The following MAD1L1 variants were observed in gnomAD, a reference collection of about 807,000 sequenced individuals.
The protein encoded by MAD1L1 is mitotic arrest deficient 1 like 1.
Under a neutral mutation model 96.9 loss-of-function variants are expected in MAD1L1, and 95 were observed. The observed-to-expected ratio is 0.98, with a 90% CI of 0.83 to 1.16. MAD1L1 has a LOEUF of 1.16. MAD1L1 is among the 50% of genes most tolerant of loss of function. The probability of loss-of-function intolerance (pLI) is 0.00; values close to 1 mark genes in which losing one functional copy is unlikely to be tolerated. For missense variants in MAD1L1, 1,007 were observed against 954.4 expected (o/e 1.06, Z -0.73); for synonymous variants, 473 against 396.6 (o/e 1.19, Z -2.29).
At chr7:1,982,685 ACCTTG>A (rs1780961042) in intron 14 of MAD1L1, among the ~76,000 whole-genome samples, 1 of 152,166 alleles carries the variant, frequency 6.6e-6, no homozygotes, top group Non-Finnish European at 1.5e-5. Context: ...CAATATTGAT[ACCTTG>A]GGTTTCTTTC....
intron 10 of MAD1L1, among the ~76,000 whole-genome samples, chr7:2,169,299 A>T (rs1394669158): frequency 6.6e-6 from 1 of 152,224 alleles, no homozygotes; most frequent in East Asian, 1.9e-4. Flanking sequence ...TGGTGGGATT[A>T]CGGGGGATTG....
chr7:2,127,637 G>A (rs189277315), intron 11 of MAD1L1, among the ~76,000 whole-genome samples: 1 of 152,292 alleles, frequency 6.6e-6, no homozygotes, highest in East Asian at 1.9e-4. Context: ...GAGACCCACA[G>A]GAACCCACCT....
In MAD1L1 at chr7:2,116,579, G is replaced by GA. The variant is rs1282489025; in HGVS notation, c.1073+32572_1073+32573insT. Among the ~76,000 whole-genome samples the GA allele has an allele frequency of 2.0e-5, 3 of 150,242 alleles. 1 individual carries two copies. The highest frequency in any genetic ancestry group is 4.5e-5 in the Non-Finnish European group (3 of 67,142). ...CAGGCCAGAGGGTTGGGGGGGGGGG[G>GA]GGCTCCTGTGTGTACACAGGGCTGC... On this transcript the variant is annotated intron_variant, in intron 11 of 18. Transcript: ENST00000265854.
At chr7:2,206,699 A>G (rs1238004720) in intron 10 of MAD1L1, among the ~76,000 whole-genome samples, 4 of 152,244 alleles carry the variant, frequency 2.6e-5, no homozygotes, top group Non-Finnish European at 5.9e-5. Flanking sequence ...GTGTCTTGAA[A>G]TTGGCCAGTG....
Position 2,180,714 on chromosome 7 carries a change from T to C in MAD1L1, c.987-31476A>G, listed in dbSNP as rs192107739. Among the ~76,000 whole-genome samples, 134 of 152,298 alleles carry C rather than the reference T, an allele frequency of 8.8e-4. 2 individuals are homozygous for C. Among genetic ancestry groups the C allele is most frequent in the Non-Finnish European group, 5.6e-4 (38 of 68,026 alleles). ...ACGTATAATATTAAACATTATCTTA[T>C]ATTAAATATAATATTAAATATTGAT... is the stretch of plus-strand genomic sequence containing the variant. On this transcript the variant is annotated intron_variant, in intron 10 of 18. Coordinates refer to ENST00000265854, the MANE Select transcript of MAD1L1 (RefSeq NM_001013836.2).
At chr7:2,153,718 T>C (rs897807055) in intron 10 of MAD1L1, among the ~76,000 whole-genome samples, 2 of 152,180 alleles carry the variant, frequency 1.3e-5, no homozygotes, top group East Asian at 1.9e-4. Context: ...TCAAAGGAAA[T>C]CACTGTATCA....
At chr7:2,225,916 A>G (rs1217026513) in intron 3 of MAD1L1, among the ~76,000 whole-genome samples, 1 of 152,232 alleles carries the variant, frequency 6.6e-6, no homozygotes, top group Non-Finnish European at 1.5e-5. Flanking sequence ...GCAGTCGGCC[A>G]GGACATGTTC....
chr7:2,000,202 C>T (rs906936414), intron 14 of MAD1L1, among the ~76,000 whole-genome samples: 1 of 152,158 alleles, frequency 6.6e-6, no homozygotes, highest in East Asian at 1.9e-4. Context: ...CCGAAGCCGT[C>T]CTTGATTCCC....
At chr7:1,972,296 GT>G (rs1269526436) in intron 15 of MAD1L1, among the ~76,000 whole-genome samples, 20 of 152,270 alleles carry the variant, frequency 1.3e-4, no homozygotes, top group South Asian at 6.2e-4. Context: ...ATTATTAACT[GT>G]TTGGTAGATT....
At chr7:1,888,642 CTG>C (rs748637954) in intron 18 of MAD1L1, among the ~76,000 whole-genome samples, 8 of 150,506 alleles carry the variant, frequency 5.3e-5, no homozygotes, top group Admixed American at 2.6e-4. Context: ...ATGTGGATGC[CTG>C]TGTGTGCGCG....
At chr7:2,054,792 G>C (rs905112664) in intron 12 of MAD1L1, among the ~76,000 whole-genome samples, 1 of 152,252 alleles carries the variant, frequency 6.6e-6, no homozygotes, top group East Asian at 1.9e-4. Flanking sequence ...TACGTGGAGG[G>C]ATGTGCTTTA....
intron 12 of MAD1L1, among the ~76,000 whole-genome samples, chr7:2,067,380 A>T (rs1271014001): frequency 2.0e-5 from 3 of 152,126 alleles, no homozygotes; most frequent in African/African-American, 7.2e-5. Context: ...TCCCAGAGAA[A>T]GGCCCAGCTC....
intron 12 of MAD1L1, among the ~76,000 whole-genome samples, chr7:2,050,774 G>A (rs1298314502): frequency 6.6e-6 from 1 of 152,210 alleles, no homozygotes; most frequent in Non-Finnish European, 1.5e-5. Context: ...ACCCACCTGT[G>A]CCTCACAGGC....
intron 16 of MAD1L1, among the ~76,000 whole-genome samples, chr7:1,952,622 G>A (rs1026126685): frequency 2.0e-5 from 3 of 152,176 alleles, no homozygotes; most frequent in Admixed American, 6.5e-5. Context: ...GGAGGGCTGG[G>A]CTGGTGAGCA....
intron 11 of MAD1L1, among the ~76,000 whole-genome samples, chr7:2,080,464 C>T (rs1007415463): frequency 6.6e-6 from 1 of 152,244 alleles, no homozygotes; most frequent in Admixed American, 6.5e-5. Flanking sequence ...GCCTCGGCCA[C>T]TGCAGATGCA....
intron 14 of MAD1L1, among the ~76,000 whole-genome samples, chr7:1,993,766 A>G (rs1031509273): frequency 6.6e-6 from 1 of 152,234 alleles, no homozygotes; most frequent in Admixed American, 6.5e-5. Context: ...AACTGGTAAA[A>G]ACTGAAAAGG....
chr7:1,998,888 C>T (rs1160745230), intron 14 of MAD1L1, among the ~76,000 whole-genome samples: 1 of 148,258 alleles, frequency 6.7e-6, no homozygotes, highest in Non-Finnish European at 1.5e-5. Flanking sequence ...AGTCCCCTAA[C>T]CCCACTCACT....
At chr7:1,846,903 T>C (rs996679506) in intron 18 of MAD1L1, 5 of 282,882 alleles carry the variant, frequency 1.8e-5, no homozygotes, top group South Asian at 3.3e-5. Context: ...CTGTTTGCTC[T>C]CTGCCAGCTC....
At chr7:2,202,705 G>A (rs1792377897) in intron 10 of MAD1L1, among the ~76,000 whole-genome samples, 1 of 152,184 alleles carries the variant, frequency 6.6e-6, no homozygotes, top group African/African-American at 2.4e-5. Flanking sequence ...ACCTTCCCAA[G>A]CACCACCAGG....
Sources: allele counts gnomAD v4.1 joint callset (sites outside exome capture counted in the v4.1 genomes callset), GRCh38; gene constraint gnomAD v4.1.1; transcripts MANE v1.5; gene names NCBI Gene and HGNC (gene_info 2026-07-23, HGNC 2026-07-21).